The following ATRN variants were observed in gnomAD, a reference collection of about 807,000 sequenced individuals.
ATRN encodes the protein attractin.
In ATRN, 54 loss-of-function variants were observed where a neutral mutation model predicts 178.7. That is an observed-to-expected ratio of 0.30 (90% CI 0.24 to 0.38). The LOEUF is 0.38. Ranked by LOEUF, ATRN falls within the 10% of genes least tolerant of loss-of-function variation. The pLI, the probability that ATRN is intolerant of heterozygous loss-of-function variation, is 1.00. For missense variants in ATRN, 1,443 were observed against 1,815.1 expected (o/e 0.79, Z 3.73); for synonymous variants, 636 against 663.0 (o/e 0.96, Z 0.63).
At chr20:3,590,133 TAG>T (rs1281332696) in intron 18 of ATRN, among the ~76,000 whole-genome samples, 13 of 152,268 alleles carry the variant, frequency 8.5e-5, no homozygotes, top group Admixed American at 1.3e-4. Flanking sequence ...GTATTTTTAG[TAG>T]AGACAGGGTT....
rs1426210365 is a variant in ATRN at position 3,634,383 on chromosome 20, T to C, written c.3936T>C (p.Arg1312=). The C allele has an allele frequency of 3.1e-6, 5 of 1,612,104 alleles. No homozygotes were observed. The highest frequency in any genetic ancestry group is 3.3e-5 in the Admixed American group (2 of 59,990). Residue 1312 remains arginine, a synonymous_variant, in exon 26 of 29, where the codon CGT becomes CGC. Transcript: ENST00000262919. ...KIKQSCWASR[R]REQLLREMQQ... is the part of the protein sequence containing the mutation. Reference sequence around the variant, plus strand: ...AACAAAGTTGTTGGGCCTCCAGACGTAGAGAGGTAAGCTTCAGTGGGTAAA... The same window carrying C: ...AACAAAGTTGTTGGGCCTCCAGACGCAGAGAGGTAAGCTTCAGTGGGTAAA...
chr20:3,521,989 T>G (rs2085303166), intron 1 of ATRN, among the ~76,000 whole-genome samples: 1 of 151,950 alleles, frequency 6.6e-6, no homozygotes, highest in Non-Finnish European at 1.5e-5. Context: ...GAGGTCTCAC[T>G]ATGTTGCCTA....
intron 1 of ATRN, among the ~76,000 whole-genome samples, chr20:3,527,977 C>A (rs191223612): frequency 1.1e-3 from 160 of 152,094 alleles, no homozygotes; most frequent in African/African-American, 3.7e-3. Flanking sequence ...TAGATGACGG[C>A]TTGATGGGTG....
intron 6 of ATRN, among the ~76,000 whole-genome samples, chr20:3,555,057 G>A (rs1490821599): frequency 1.4e-5 from 2 of 144,608 alleles, no homozygotes; most frequent in African/African-American, 5.3e-5. Context: ...CTGGAGTGCA[G>A]TGGCGTGATC....
At chr20:3,496,809 G>C (rs1160235723) in intron 1 of ATRN, among the ~76,000 whole-genome samples, 2 of 151,280 alleles carry the variant, frequency 1.3e-5, no homozygotes, top group Admixed American at 6.6e-5. Flanking sequence ...TCTCTTTGTA[G>C]GTCGCTCAGG....
At chr20:3,598,052 T>C (rs960367245) in intron 22 of ATRN, 52 bp downstream of exon 22, 1 of 1,225,732 alleles carries the variant, frequency 8.2e-7, no homozygotes, top group South Asian at 1.2e-5. Context: ...ATGGATCTTT[T>C]TCTTGGTCAT....
intron 1 of ATRN, among the ~76,000 whole-genome samples, chr20:3,507,042 C>T (rs1228635737): frequency 4.5e-4 from 68 of 150,114 alleles, no homozygotes; most frequent in Admixed American, 4.1e-3. Context: ...CGGTTTTTGC[C>T]GGGAGGTTTT....
intron 6 of ATRN, among the ~76,000 whole-genome samples, chr20:3,556,773 A>G (rs2085882613): frequency 6.6e-6 from 1 of 151,906 alleles, no homozygotes; most frequent in South Asian, 2.1e-4. Flanking sequence ...TTGCATCAGT[A>G]TCGTTCTTGT....
intron 20 of ATRN, 126 bp downstream of exon 20, chr20:3,594,698 G>T (rs1490079425): frequency 1.6e-5 from 11 of 708,966 alleles, no homozygotes; most frequent in Non-Finnish European, 2.3e-5. Flanking sequence ...TCCCTGGGTT[G>T]ATTAGTTTGA....
intron 5 of ATRN, among the ~76,000 whole-genome samples, chr20:3,548,398 G>A (rs1181763507): frequency 1.3e-5 from 2 of 152,036 alleles, no homozygotes; most frequent in Non-Finnish European, 2.9e-5. Flanking sequence ...TCAGGAGTTC[G>A]AGACCAGCTT....
At chr20:3,520,570 G>A (rs566102526) in intron 1 of ATRN, among the ~76,000 whole-genome samples, 8 of 152,252 alleles carry the variant, frequency 5.3e-5, no homozygotes, top group African/African-American at 1.9e-4. Flanking sequence ...TCTTGGCTCA[G>A]TGTTACCTCC....
chr20:3,576,711 A>G (rs1175636100), intron 13 of ATRN, 148 bp from the exon 14 acceptor site: 54 of 623,102 alleles, frequency 8.7e-5, no homozygotes, highest in Middle Eastern at 5.5e-4. Context: ...CTATCTATCT[A>G]TCTATCTATC....
At position 3,630,914 on chromosome 20, in the gene ATRN, A is replaced by C. The variant is rs1199249460; in HGVS notation, c.3864-3397A>C. ...TAACCATGTCTAAAAGAATTTATTT[A>C]GCTTTTTTTTTTTTTTTTTTTTTTT... is the stretch of plus-strand genomic sequence containing the variant. On this transcript the variant is annotated intron_variant, in intron 25 of 28. Transcript: ENST00000262919. Among the ~76,000 whole-genome samples the C allele has an allele frequency of 7.7e-4, 48 of 62,628 alleles. 1 individual carries two copies. Among genetic ancestry groups the C allele is most frequent in the African/African-American group, 2.5e-3 (46 of 18,410 alleles). 41.1% of individuals were successfully genotyped at this position (62,628 alleles called of 152,430 possible).
chr20:3,601,411 G>A (rs1325122310), intron 23 of ATRN, among the ~76,000 whole-genome samples: 1 of 152,090 alleles, frequency 6.6e-6, no homozygotes, highest in Non-Finnish European at 1.5e-5. Context: ...AAATTCAAAT[G>A]ATTCGTTTCA....
At chr20:3,636,216 C>G (rs1356062222) in intron 26 of ATRN, among the ~76,000 whole-genome samples, 1 of 152,138 alleles carries the variant, frequency 6.6e-6, no homozygotes, top group Admixed American at 6.5e-5. Context: ...ATCTTGGTAC[C>G]AAAACCTGAC....
chr20:3,606,095 C>A (rs993325984), intron 24 of ATRN, among the ~76,000 whole-genome samples: 4 of 152,146 alleles, frequency 2.6e-5, no homozygotes, highest in African/African-American at 7.2e-5. Flanking sequence ...TCATCAGCTT[C>A]TCCCTTTGCC....
intron 24 of ATRN, among the ~76,000 whole-genome samples, chr20:3,606,296 C>A (rs1056844262): frequency 1.9e-4 from 29 of 152,306 alleles, no homozygotes; most frequent in African/African-American, 6.7e-4. Context: ...TATCTCATTG[C>A]ATGGCTTTGA....
rs1347688688 is a variant in ATRN at position 3,523,605 on chromosome 20, CAT to C, written c.411-11644_411-11643del. Among the ~76,000 whole-genome samples, 4 of 152,220 alleles carry C rather than the reference CAT, an allele frequency of 2.6e-5. No individual in the cohort carries two copies. The East Asian group carries it at 5.8e-4, about 22-fold the overall frequency. ...CTCCTTGAGAAGAGCAACCCCAAGACATATAATCGTCAGATTCACCAAGGTTG... is the reference window on the plus strand; with the variant it reads ...CTCCTTGAGAAGAGCAACCCCAAGACATAATCGTCAGATTCACCAAGGTTG... On this transcript the variant is annotated intron_variant, in intron 1 of 28. Transcript: ENST00000262919.
chr20:3,503,514 A>G (rs771401407), intron 1 of ATRN, among the ~76,000 whole-genome samples: 2 of 152,196 alleles, frequency 1.3e-5, no homozygotes, highest in African/African-American at 2.4e-5. Flanking sequence ...GCAAAGAGCC[A>G]TATAAAATTA....
Sources: gnomAD v4.1 joint callset for allele counts (sites outside exome capture counted in the v4.1 genomes callset) on GRCh38, gnomAD v4.1.1 for gene constraint, MANE v1.5 for transcripts, NCBI Gene and HGNC (gene_info 2026-07-23, HGNC 2026-07-21) for gene names.